The following WNT2B variants were observed in gnomAD, a reference collection of about 807,000 sequenced individuals.
WNT2B encodes protein Wnt-2b.
WNT2B carries 19 observed loss-of-function variants against 40.5 expected under a neutral mutation model. The observed-to-expected ratio is 0.47, with a 90% confidence interval of 0.33 to 0.69. WNT2B has a LOEUF of 0.69. Ranked by LOEUF, WNT2B falls within the 30% of genes least tolerant of loss-of-function variation. The pLI is 0.02. For synonymous variants in WNT2B, 220 were observed against 211.9 expected, an observed-to-expected ratio of 1.04 and a Z score of -0.33; for missense variants, 467 against 556.4, an observed-to-expected ratio of 0.84 and a Z score of 1.62.
intron 1 of WNT2B, among the ~76,000 whole-genome samples, chr1:112,498,081 C>G (rs887158805): frequency 6.6e-6 from 1 of 151,966 alleles, no homozygotes; most frequent in Non-Finnish European, 1.5e-5. Flanking sequence ...CCCTTTCCCC[C>G]CCAACCCCCG....
exon 1 of WNT2B, chr1:112,466,889 C>T (rs983333066): frequency 2.0e-5 from 3 of 152,200 alleles, no homozygotes; most frequent in Non-Finnish European, 4.4e-5. Context: ...ATATCCATGC[C>T]ACAGTTCCTA....
At chr1:112,488,098 A>T (rs1429086071) in intron 1 of WNT2B, among the ~76,000 whole-genome samples, 1 of 151,996 alleles carries the variant, frequency 6.6e-6, no homozygotes, top group Non-Finnish European at 1.5e-5. Context: ...GTTTGAAGAG[A>T]TCAGCCTGGC....
chr1:112,525,977 G>C lies in WNT2B; in HGVS notation c.*5468G>C, dbSNP rs1382853017. On this transcript the variant is annotated 3_prime_UTR_variant, in exon 5 of 5. Transcript: ENST00000369684. ...TTACAGATGCTGTTCAGAAAAATTTGGTGATTTGTCCAAGGTCACATGAAC... is the reference window on the plus strand; with the variant it reads ...TTACAGATGCTGTTCAGAAAAATTTCGTGATTTGTCCAAGGTCACATGAAC... The C allele has an allele frequency of 1.2e-6, 2 of 1,611,788 alleles. No homozygotes were observed. The highest frequency in any genetic ancestry group is 3.3e-5 in the Admixed American group (2 of 59,876).
At chr1:112,519,386 T>G (rs1310077855) in intron 4 of WNT2B, among the ~76,000 whole-genome samples, 1 of 152,196 alleles carries the variant, frequency 6.6e-6, no homozygotes, top group African/African-American at 2.4e-5. Context: ...AGTTAATCTA[T>G]TCTCCGTTTT....
At chr1:112,506,884 C>A (rs547637984), upstream of WNT2B, among the ~76,000 whole-genome samples, 1 of 152,338 alleles carries the variant, frequency 6.6e-6, no homozygotes, top group South Asian at 2.1e-4. Flanking sequence ...CTCTCCAACT[C>A]CCATCCAACT....
chr1:112,526,301 C>T lies in WNT2B; in HGVS notation c.*5792C>T. 1.7e-6 allele frequency: 1 copy of T among 571,720 alleles called. No homozygotes were observed. The highest frequency in any genetic ancestry group is 2.9e-6 in the Non-Finnish European group (1 of 347,792). 35.4% of individuals were successfully genotyped at this position (571,720 alleles called of 1,614,324 possible). On this transcript the variant is annotated 3_prime_UTR_variant, in exon 5 of 5. Transcript: ENST00000369684. ...TGTGACCACTATACAACATATTCCA[C>T]ATTTAAACAACTCTGGCTCCTAATT...
intron 1 of WNT2B, among the ~76,000 whole-genome samples, chr1:112,502,140 C>T (rs1187742052): frequency 2.0e-5 from 3 of 152,200 alleles, no homozygotes; most frequent in Non-Finnish European, 1.5e-5. Context: ...CTCGCTCTCC[C>T]GGGCTACTCC....
In WNT2B at chr1:112,515,992, G is replaced by A. The variant is rs911270910; in HGVS notation, c.404-148G>A. The A allele has an allele frequency of 1.1e-5, 11 of 1,010,958 alleles. 1 individual carries two copies. In the Admixed American group the frequency reaches 1.9e-4, roughly 18 times the overall value. The allele number at this position is 1,010,958 out of a possible 1,614,324, so 62.6% of individuals were successfully genotyped here. A position where few individuals can be genotyped will look rare whatever the true frequency, so the allele number is the denominator to read the frequency against. On this transcript the variant is annotated intron_variant, in intron 2 of 4. Coordinates refer to ENST00000369684, the MANE Select transcript of WNT2B (RefSeq NM_024494.3). This position sits in a 1 kb window ranked among gnomAD's most constrained non-coding sequence, Gnocchi z 4.4. ...TACTCTGGGGAATGCTCTTGGAAAT[G>A]AAAGGCACCTTGAATAAAGGGGGTG...
intron 3 of WNT2B, 44 bp from the exon 4 acceptor site, chr1:112,517,077 C>T (rs1329830174): frequency 2.5e-6 from 4 of 1,586,906 alleles, no homozygotes; most frequent in Non-Finnish European, 3.4e-6. Flanking sequence ...TAAAATGTGT[C>T]CTGACCAGCT....
At position 112,520,765 on chromosome 1, in the gene WNT2B, TA is replaced by T; in HGVS notation, c.*257del. The T allele has an allele frequency of 1.9e-6, 1 of 540,070 alleles. No individual in the cohort carries two copies. The allele number at this position is 540,070 out of a possible 1,614,324, so 33.5% of individuals were successfully genotyped here. A position where few individuals can be genotyped will look rare whatever the true frequency, so the allele number is the denominator to read the frequency against. ...AGATTTGAAGGGAGAGTAGAAGAGATAGGGGGTCTTTAGAGTGAAATGAGTT... is the reference window on the plus strand; with the variant it reads ...AGATTTGAAGGGAGAGTAGAAGAGATGGGGGTCTTTAGAGTGAAATGAGTT... On this transcript the variant is annotated 3_prime_UTR_variant, in exon 5 of 5. Transcript: ENST00000369684.
intron 1 of WNT2B, among the ~76,000 whole-genome samples, chr1:112,474,238 C>A (rs534400818): frequency 1.3e-5 from 2 of 151,894 alleles, no homozygotes; most frequent in Non-Finnish European, 2.9e-5. Context: ...CTCCGCCTCC[C>A]GGGTTCAAGC....
chr1:112,494,327 C>T (rs1651703318), intron 1 of WNT2B, among the ~76,000 whole-genome samples: 1 of 150,768 alleles, frequency 6.6e-6, no homozygotes, highest in Non-Finnish European at 1.5e-5. Flanking sequence ...AAAATTATAT[C>T]TACCTTCTCC....
intron 1 of WNT2B, among the ~76,000 whole-genome samples, chr1:112,512,574 T>G (rs1652394325): frequency 6.6e-6 from 1 of 152,174 alleles, no homozygotes; most frequent in Admixed American, 6.5e-5. Flanking sequence ...AGAAGCATTC[T>G]GGGGCAGGAA....
chr1:112,468,623 A>G (rs2798243), intron 1 of WNT2B, among the ~76,000 whole-genome samples: 129,654 of 152,000 alleles, frequency 0.85, 55,534 homozygotes, highest in East Asian at 1. Flanking sequence ...TATTCATGCC[A>G]GTTTCCCATT....
chr1:112,474,184 C>T lies in WNT2B; in HGVS notation c.-95+6593C>T, dbSNP rs971868894. 2.6e-5 allele frequency among the ~76,000 whole-genome samples: 4 copies of T among 152,052 alleles called. No homozygotes were observed. The South Asian group carries it at 8.3e-4, about 31-fold the overall frequency. On this transcript the variant is annotated intron_variant, in intron 1 of 4. Coordinates refer to the WNT2B transcript ENST00000256640. ...TTTTTGAGATGGATTTTCACTCTGT[C>T]GCCCAGGCTGGAGTGTGGTGGCACA...
chr1:112,500,401 A>C (rs899162585), intron 1 of WNT2B, among the ~76,000 whole-genome samples: 6 of 152,200 alleles, frequency 3.9e-5, no homozygotes, highest in Non-Finnish European at 7.3e-5. Context: ...AATATTAACA[A>C]GTATTGGGGT....
intron 1 of WNT2B, among the ~76,000 whole-genome samples, chr1:112,488,698 C>A (rs922906755): frequency 1.4e-4 from 22 of 151,912 alleles, no homozygotes; most frequent in Non-Finnish European, 2.9e-4. Flanking sequence ...ACTACAGGCG[C>A]TCGCCACCAT....
chr1:112,520,404 C>A lies in WNT2B; in HGVS notation c.1071C>A (p.Cys357Ter). 4.3e-6 allele frequency: 7 copies of A among 1,614,164 alleles called. No individual in the cohort carries two copies. Among genetic ancestry groups the A allele is most frequent in the Non-Finnish European group, 5.9e-6 (7 of 1,180,034 alleles). Residue 357 changes from cysteine (C) to a stop codon, truncating the protein, a stop_gained, in exon 5 of 5, where the codon TGC becomes TGA. Transcript: ENST00000369684. LOFTEE classifies it high-confidence loss of function. ...TCACCCGTGTTACCCAGTGTGAGTG[C>A]AAATTCCACTGGTGCTGTGCTGTAC... is the stretch of plus-strand genomic sequence containing the variant. Reference protein sequence around the residue: ...TRVTRVTQCECKFHWCCAVRC... With the variant: ...TRVTRVTQCE
chr1:112,526,226 A>T lies in WNT2B; in HGVS notation c.*5717A>T. 1.4e-6 allele frequency: 2 copies of T among 1,424,710 alleles called. No individual in the cohort carries two copies. The highest frequency in any genetic ancestry group is 1.9e-6 in the Non-Finnish European group (2 of 1,052,140). The allele number at this position is 1,424,710 out of a possible 1,614,324, so 88.3% of individuals were successfully genotyped here. On this transcript the variant is annotated 3_prime_UTR_variant, in exon 5 of 5. Coordinates refer to ENST00000369684, the MANE Select transcript of WNT2B (RefSeq NM_024494.3). ...AACAGCCTAGGCCCTCCTGAACCTTATCAACCAATGGCTCTTTTGCCATTT... is the reference window on the plus strand; with the variant it reads ...AACAGCCTAGGCCCTCCTGAACCTTTTCAACCAATGGCTCTTTTGCCATTT...
Sources: gnomAD v4.1 joint callset for allele counts (sites outside exome capture counted in the v4.1 genomes callset) on GRCh38, gnomAD v4.1.1 for gene constraint, Gnocchi (gnomAD v3.1) non-coding constraint, MANE v1.5 for transcripts, NCBI Gene and HGNC (gene_info 2026-07-23, HGNC 2026-07-21) for gene names.